The following DIS3L2 variants were observed in gnomAD, a reference collection of about 807,000 sequenced individuals.
The protein encoded by DIS3L2 is DIS3-like exonuclease 2.
Under a neutral mutation model 97.5 loss-of-function variants are expected in DIS3L2, and 34 were observed. That is an observed-to-expected ratio of 0.35 (90% CI 0.27 to 0.46). The LOEUF is 0.46. Among genes scored for constraint, DIS3L2 ranks in the 20% least tolerant of loss-of-function variants. The pLI is 1.00. For missense variants in DIS3L2, 1,038 were observed against 1,146.0 expected, an observed-to-expected ratio of 0.91 and a Z score of 1.36; for synonymous variants, 435 against 445.2, an observed-to-expected ratio of 0.98 and a Z score of 0.29.
rs75670999 is a variant in DIS3L2 at position 232,298,346 on chromosome 2, A to G, written c.1660-1694A>G. ...TCATATGAAAATTTCTAAGCAATGC[A>G]GACTCAAAATGGACAGAATGAATAT... On this transcript the variant is annotated intron_variant, in intron 13 of 20. Coordinates refer to ENST00000325385, the MANE Select transcript of DIS3L2 (RefSeq NM_152383.5). 2.5e-3 allele frequency among the ~76,000 whole-genome samples: 376 copies of G among 152,362 alleles called. 1 individual carries two copies. The highest frequency in any genetic ancestry group is 4.4e-3 in the Non-Finnish European group (298 of 68,026).
At chr2:232,039,036 C>T (rs998287582) in intron 5 of DIS3L2, among the ~76,000 whole-genome samples, 2 of 152,132 alleles carry the variant, frequency 1.3e-5, no homozygotes, top group South Asian at 2.1e-4. Context: ...AGGGTAGCCC[C>T]GGGTTCCTTA....
At chr2:232,091,989 G>A (rs1046497593) in intron 6 of DIS3L2, among the ~76,000 whole-genome samples, 1 of 152,128 alleles carries the variant, frequency 6.6e-6, no homozygotes, top group Non-Finnish European at 1.5e-5. Context: ...GTCCTGGAGA[G>A]TTTCTCCAAT....
chr2:232,330,006 G>A lies in DIS3L2; in HGVS notation c.1923+10G>A. ...CGCAGGAGCCCTCAATGTGAGTGGT[G>A]GGCAGGATTCGGGGGAGGCCCTGCT... On this transcript the variant is annotated intron_variant, in intron 15 of 20. Transcript: ENST00000325385. 6.2e-7 allele frequency: 1 copy of A among 1,600,310 alleles called. No homozygotes were observed. Among genetic ancestry groups the A allele is most frequent in the South Asian group, 1.1e-5 (1 of 90,024 alleles).
chr2:231,988,305 A>C (rs745668398), intron 1 of DIS3L2, among the ~76,000 whole-genome samples: 6 of 152,230 alleles, frequency 3.9e-5, no homozygotes, highest in Non-Finnish European at 8.8e-5. Context: ...ACTCATGTTG[A>C]AGGGCATGAA....
At chr2:232,118,731 T>C (rs1697804840) in intron 6 of DIS3L2, among the ~76,000 whole-genome samples, 1 of 152,252 alleles carries the variant, frequency 6.6e-6, no homozygotes, top group African/African-American at 2.4e-5. Flanking sequence ...TCAAAAGCAG[T>C]GACTCATTCA....
At chr2:232,021,921 G>A (rs181388092) in intron 3 of DIS3L2, among the ~76,000 whole-genome samples, 23 of 152,226 alleles carry the variant, frequency 1.5e-4, no homozygotes, top group African/African-American at 5.1e-4. Flanking sequence ...CGAAGAATCA[G>A]GAGCATCTGG....
intron 13 of DIS3L2, among the ~76,000 whole-genome samples, chr2:232,298,481 G>A (rs1279655854): frequency 6.6e-6 from 1 of 152,194 alleles, no homozygotes; most frequent in East Asian, 1.9e-4. Flanking sequence ...GAAGATTCAA[G>A]TGGTGCTCTG....
intron 1 of DIS3L2, among the ~76,000 whole-genome samples, chr2:231,966,459 T>C (rs1036190636): frequency 4.0e-5 from 6 of 151,160 alleles, no homozygotes; most frequent in Non-Finnish European, 5.9e-5. Flanking sequence ...CGTGAGCCAC[T>C]GAGCCACTGT....
chr2:232,185,996 T>G (rs1470437862), intron 9 of DIS3L2, among the ~76,000 whole-genome samples: 1 of 152,112 alleles, frequency 6.6e-6, no homozygotes, highest in African/African-American at 2.4e-5. Flanking sequence ...TTTTTAAAAC[T>G]TTGACTTAAT....
At chr2:232,221,422 A>G (rs1288958988) in intron 10 of DIS3L2, among the ~76,000 whole-genome samples, 1 of 152,204 alleles carries the variant, frequency 6.6e-6, no homozygotes, top group Non-Finnish European at 1.5e-5. Flanking sequence ...GAAATGCAGC[A>G]TTTCAGGATT....
At chr2:232,191,346 G>A (rs1390800400) in intron 9 of DIS3L2, among the ~76,000 whole-genome samples, 1 of 152,138 alleles carries the variant, frequency 6.6e-6, no homozygotes, top group Non-Finnish European at 1.5e-5. Flanking sequence ...TTTCGAGGGT[G>A]GATTTAATTT....
intron 6 of DIS3L2, among the ~76,000 whole-genome samples, chr2:232,090,613 T>C (rs1696808271): frequency 6.6e-6 from 1 of 152,244 alleles, no homozygotes; most frequent in Non-Finnish European, 1.5e-5. Context: ...TTGCACTATT[T>C]AGGGTTTTGA....
intron 5 of DIS3L2, among the ~76,000 whole-genome samples, chr2:232,063,385 G>C (rs1221538695): frequency 6.6e-6 from 1 of 152,160 alleles, no homozygotes; most frequent in African/African-American, 2.4e-5. Context: ...GTGTATGTGT[G>C]CATGTGTGTA....
chr2:232,001,545 A>AATGCC (rs1403437046), intron 1 of DIS3L2, among the ~76,000 whole-genome samples: 1 of 132,304 alleles, frequency 7.6e-6, no homozygotes, highest in Non-Finnish European at 1.6e-5. Flanking sequence ...AGCTTAGTGG[A>AATGCC]ATGCCATTTG....
intron 8 of DIS3L2, among the ~76,000 whole-genome samples, chr2:232,154,735 T>G (rs1250517379): frequency 6.7e-6 from 1 of 149,632 alleles, no homozygotes; most frequent in Non-Finnish European, 1.5e-5. Flanking sequence ...CTGCACCCAG[T>G]TGGAGCTTCC....
At chr2:232,053,570 C>G (rs1161902688) in intron 5 of DIS3L2, among the ~76,000 whole-genome samples, 1 of 152,208 alleles carries the variant, frequency 6.6e-6, no homozygotes, top group Admixed American at 6.5e-5. Flanking sequence ...GCTGCCTGTA[C>G]TTCTGACTGG....
intron 11 of DIS3L2, 62 bp from the exon 12 acceptor site, chr2:232,249,177 C>A: frequency 6.5e-7 from 1 of 1,534,512 alleles, no homozygotes; most frequent in Non-Finnish European, 9.0e-7. Context: ...AAAACTCTGC[C>A]CACTGGGCTT....
At chr2:232,034,881 T>A (rs544703087) in intron 5 of DIS3L2, among the ~76,000 whole-genome samples, 1 of 152,302 alleles carries the variant, frequency 6.6e-6, no homozygotes, top group African/African-American at 2.4e-5. Flanking sequence ...AGTGTTTTAC[T>A]TCCAATTATG....
chr2:232,136,991 A>G (rs1305774835), intron 8 of DIS3L2, among the ~76,000 whole-genome samples: 1 of 152,106 alleles, frequency 6.6e-6, no homozygotes, highest in Non-Finnish European at 1.5e-5. Context: ...TAGTTATGTC[A>G]TGTGTCCTAT....
Sources: allele counts gnomAD v4.1 joint callset (sites outside exome capture counted in the v4.1 genomes callset), GRCh38; gene constraint gnomAD v4.1.1; transcripts MANE v1.5; gene names NCBI Gene and HGNC (gene_info 2026-07-23, HGNC 2026-07-21).